ATP10A: variants seen among roughly 807,000 people sequenced by gnomAD.
ATP10A encodes phospholipid-transporting ATPase VA.
Under a neutral mutation model 147.8 loss-of-function variants are expected in ATP10A, and 111 were observed. The ratio of observed to expected loss-of-function variants is 0.75; its 90% confidence interval spans 0.64 to 0.88. ATP10A has a LOEUF of 0.88. ATP10A is among the 40% of genes least tolerant of loss of function. The probability of loss-of-function intolerance (pLI) is 0.00; values close to 1 mark genes in which losing one functional copy is unlikely to be tolerated. For synonymous variants in ATP10A, 875 were observed against 841.6 expected (o/e 1.04, Z -0.69); for missense variants, 1,927 against 1,959.0 (o/e 0.98, Z 0.31).
intron 2 of ATP10A, among the ~76,000 whole-genome samples, chr15:25,774,444 C>T (rs1427857855): frequency 6.6e-6 from 1 of 152,106 alleles, no homozygotes; most frequent in Non-Finnish European, 1.5e-5. Flanking sequence ...AGTGGTGGCA[C>T]ATGCCTGTAA....
chr15:25,716,452 C>A lies in ATP10A; in HGVS notation c.1776+278G>T, dbSNP rs928556780. 2.6e-5 allele frequency among the ~76,000 whole-genome samples: 4 copies of A among 152,182 alleles called. No homozygotes were observed. The highest frequency in any genetic ancestry group is 9.7e-5 in the African/African-American group (4 of 41,448). On this transcript the variant is annotated intron_variant, in intron 9 of 20. Coordinates refer to ENST00000555815, the MANE Select transcript of ATP10A (RefSeq NM_024490.4). The stretch of plus-strand genomic sequence containing the variant: ...GCTGGCCTATCTGGCTGCCCTGTGT[C>A]CCTCCCCTCCCAGGCTCAGAAGTCA...
chr15:25,729,723 C>T (rs535595731), intron 3 of ATP10A, among the ~76,000 whole-genome samples: 5 of 152,248 alleles, frequency 3.3e-5, no homozygotes, highest in South Asian at 4.2e-4. Flanking sequence ...TGAGGTAGCC[C>T]GGCCTTCCGG....
At position 25,714,073 on chromosome 15, in the gene ATP10A, C is replaced by T. The variant is rs369599033; in HGVS notation, c.1945G>A (p.Gly649Ser). 18 of 1,613,006 alleles carry T rather than the reference C, an allele frequency of 1.1e-5. No individual in the cohort carries two copies. Among genetic ancestry groups the T allele is most frequent in the East Asian group, 6.7e-5 (3 of 44,874 alleles). The change falls in exon 10 of 21, where the codon GGC becomes AGC. Residue 649 changes from glycine (G) to serine (S), a missense_variant. Gly to Ser is a moderately conservative substitution (Grantham distance 56). Coordinates refer to ENST00000555815, the MANE Select transcript of ATP10A (RefSeq NM_024490.4). ...SSFPSTPSSD[G>S]MLLRLEERLG... ...CTCTCCTCCAGCCTGAGAAGCATGC[C>T]GTCGCTGGACGGGGTGGACGGGAAG... is the stretch of plus-strand genomic sequence containing the variant.
chr15:25,728,840 T>A (rs565896122), intron 3 of ATP10A, among the ~76,000 whole-genome samples: 1 of 152,318 alleles, frequency 6.6e-6, no homozygotes, highest in East Asian at 1.9e-4. Context: ...TACAGGTCCA[T>A]GCCAGAAGGA....
At chr15:25,688,258 G>C (rs978889990) in intron 15 of ATP10A, among the ~76,000 whole-genome samples, 1 of 152,184 alleles carries the variant, frequency 6.6e-6, no homozygotes, top group Non-Finnish European at 1.5e-5. Context: ...GTATGTATCA[G>C]AGACAGACAT....
At chr15:25,769,553 C>T (rs1889228474) in intron 2 of ATP10A, among the ~76,000 whole-genome samples, 2 of 145,370 alleles carry the variant, frequency 1.4e-5, no homozygotes, top group Non-Finnish European at 3.0e-5. Flanking sequence ...CTTCCTAGAA[C>T]ACTGCAGCCA....
intron 2 of ATP10A, among the ~76,000 whole-genome samples, chr15:25,751,790 A>G (rs932444176): frequency 6.6e-6 from 1 of 152,176 alleles, no homozygotes; most frequent in Non-Finnish European, 1.5e-5. Context: ...TATCCAAAGT[A>G]TACAAGGAGC....
At chr15:25,714,999 C>T (rs1296978930) in intron 9 of ATP10A, among the ~76,000 whole-genome samples, 8 of 141,232 alleles carry the variant, frequency 5.7e-5, no homozygotes, top group Middle Eastern at 3.7e-3. Context: ...CACACACACA[C>T]ACAATTGTTA....
At chr15:25,682,218 G>T (rs900855192) in intron 17 of ATP10A, among the ~76,000 whole-genome samples, 1 of 152,020 alleles carries the variant, frequency 6.6e-6, no homozygotes, top group South Asian at 2.1e-4. Flanking sequence ...TCTCTTGGTG[G>T]TGGGTCCCTT....
intron 17 of ATP10A, 85 bp downstream of exon 17, chr15:25,683,201 G>C: frequency 1.5e-6 from 2 of 1,304,032 alleles, no homozygotes; most frequent in Non-Finnish European, 1.1e-6. Flanking sequence ...CATCTGAAGG[G>C]AGGCTGGGGG....
chr15:25,859,774 T>A (rs1196807027), intron 1 of ATP10A, among the ~76,000 whole-genome samples: 1 of 152,094 alleles, frequency 6.6e-6, no homozygotes, highest in East Asian at 1.9e-4. Flanking sequence ...CCAAGGATGG[T>A]GTCACTGAAA....
intron 1 of ATP10A, among the ~76,000 whole-genome samples, chr15:25,837,625 A>T (rs1269889040): frequency 6.6e-6 from 1 of 152,232 alleles, no homozygotes; most frequent in African/African-American, 2.4e-5. Flanking sequence ...CAAAGCCGAA[A>T]GTGTCTTTCA....
At chr15:25,760,280 T>C (rs1356512823) in intron 2 of ATP10A, among the ~76,000 whole-genome samples, 1 of 152,186 alleles carries the variant, frequency 6.6e-6, no homozygotes, top group Non-Finnish European at 1.5e-5. Context: ...AAACATGGAA[T>C]GATGTTTAGC....
intron 13 of ATP10A, among the ~76,000 whole-genome samples, chr15:25,696,788 G>A (rs1163098419): frequency 1.3e-5 from 2 of 152,220 alleles, no homozygotes; most frequent in Admixed American, 6.5e-5. Flanking sequence ...AGAAGATGAG[G>A]AAGTCTCCAA....
At chr15:25,756,418 C>A (rs138054958) in intron 2 of ATP10A, among the ~76,000 whole-genome samples, 1 of 152,044 alleles carries the variant, frequency 6.6e-6, no homozygotes, top group South Asian at 2.1e-4. Flanking sequence ...CCGAGGCGAG[C>A]GGATCACCAG....
intron 2 of ATP10A, among the ~76,000 whole-genome samples, chr15:25,773,482 G>A (rs1889441360): frequency 6.6e-6 from 1 of 152,236 alleles, no homozygotes; most frequent in East Asian, 1.9e-4. Flanking sequence ...AAAGGTTCCA[G>A]AGTCCAATCA....
chr15:25,813,636 A>G (rs1283122599), intron 1 of ATP10A, among the ~76,000 whole-genome samples: 1 of 152,224 alleles, frequency 6.6e-6, no homozygotes. Context: ...CCTGTGTCCA[A>G]GAAGCTAGAG....
At chr15:25,800,815 G>A (rs185482397) in intron 1 of ATP10A, among the ~76,000 whole-genome samples, 191 of 152,174 alleles carry the variant, frequency 1.3e-3, no homozygotes, top group Non-Finnish European at 2.1e-3. Context: ...ATGTCTTTCT[G>A]ACTTCATTTC....
chr15:25,733,276 G>T (rs1195946374), intron 3 of ATP10A, among the ~76,000 whole-genome samples: 1 of 152,138 alleles, frequency 6.6e-6, no homozygotes, highest in African/African-American at 2.4e-5. Context: ...CTAGACAGCA[G>T]ATCTACCTCC....
Sources: allele counts gnomAD v4.1 joint callset (sites outside exome capture counted in the v4.1 genomes callset), GRCh38; gene constraint gnomAD v4.1.1; transcripts MANE v1.5; gene names NCBI Gene and HGNC (gene_info 2026-07-23, HGNC 2026-07-21).